FGL1: variants seen among roughly 807,000 people sequenced by gnomAD.
The protein encoded by FGL1 is fibrinogen-like protein 1.
A neutral mutation model predicts 43.7 loss-of-function variants in FGL1; 59 were observed. The observed-to-expected ratio is 1.35, with a 90% confidence interval of 1.10 to 1.68. The LOEUF (loss-of-function observed/expected upper bound fraction) is 1.68. FGL1 is among the 40% of genes most tolerant of loss of function. The probability of loss-of-function intolerance (pLI) is 0.00; values close to 1 mark genes in which losing one functional copy is unlikely to be tolerated. For synonymous variants in FGL1, 192 were observed against 126.5 expected (o/e 1.52, Z -3.48); for missense variants, 596 against 373.0 (o/e 1.60, Z -4.92).
At chr8:17,872,512 A>C (rs1454470449) in intron 5 of FGL1, among the ~76,000 whole-genome samples, 1 of 152,144 alleles carries the variant, frequency 6.6e-6, no homozygotes, top group South Asian at 2.1e-4. Context: ...CATGTTGGCC[A>C]GGCTGGTCTC....
At position 17,882,160 on chromosome 8, in the gene FGL1, T is replaced by A. The variant is rs1290541913; in HGVS notation, c.83A>T (p.Gln28Leu). Reference sequence around the variant, plus strand: ...CTGGGCTCTGAGCCGCATCTGCTCCTGGGCACAGTCCTCGAGCGCCTGCAA... The same window carrying A: ...CTGGGCTCTGAGCCGCATCTGCTCCAGGGCACAGTCCTCGAGCGCCTGCAA... ...REISALEDCA[Q>L]EQMRLRAQVR... Residue 28 changes from glutamine to leucine, a missense_variant, in exon 3 of 8, where the codon CAG becomes CTG. Coordinates refer to ENST00000427924, the MANE Select transcript of FGL1 (RefSeq NM_004467.4). 15 of 1,613,738 alleles carry A rather than the reference T, an allele frequency of 9.3e-6. No homozygotes were observed. Among genetic ancestry groups the A allele is most frequent in the African/African-American group, 1.3e-5 (1 of 74,902 alleles).
chr8:17,889,457 T>C (rs1291278451), intron 1 of FGL1, among the ~76,000 whole-genome samples: 1 of 152,054 alleles, frequency 6.6e-6, no homozygotes, highest in Non-Finnish European at 1.5e-5. Flanking sequence ...GGCTGAAGCA[T>C]GAGAATCACT....
chr8:17,888,974 A>G (rs1585151047), intron 1 of FGL1, among the ~76,000 whole-genome samples: 2 of 152,206 alleles, frequency 1.3e-5, no homozygotes, highest in Non-Finnish European at 2.9e-5. Context: ...TAAGAGAATA[A>G]TATTTTAATA....
intron 1 of FGL1, among the ~76,000 whole-genome samples, chr8:17,887,304 A>G (rs534531294): frequency 1.3e-4 from 20 of 152,288 alleles, no homozygotes; most frequent in South Asian, 4.1e-4. Flanking sequence ...ATCGCTCTCC[A>G]AAGAATCCCA....
chr8:17,876,660 C>G (rs116938374), intron 3 of FGL1, among the ~76,000 whole-genome samples: 3,175 of 152,212 alleles, frequency 0.021, 59 homozygotes, highest in South Asian at 0.049. Context: ...TTAAAGTAAG[C>G]AGATTTTAGC....
rs185943584 is a variant in FGL1, at chr8:17,869,586, C to G, written c.503-582G>C. Among the ~76,000 whole-genome samples, 554 of 152,230 alleles carry G rather than the reference C, an allele frequency of 3.6e-3. 8 individuals are homozygous for G. The highest frequency in any genetic ancestry group is 0.028 in the Admixed American group (421 of 15,280). On this transcript the variant is annotated intron_variant, in intron 5 of 7. Transcript: ENST00000427924. ...ATCCTAATTGTTATCCGAAAACCTTCGTTTGATACTGGCTCATAAGATCAA... is the reference window on the plus strand; with the variant it reads ...ATCCTAATTGTTATCCGAAAACCTTGGTTTGATACTGGCTCATAAGATCAA...
At chr8:17,890,920 T>C (rs2053695389) in intron 1 of FGL1, among the ~76,000 whole-genome samples, 4 of 152,066 alleles carry the variant, frequency 2.6e-5, no homozygotes, top group Admixed American at 2.0e-4. Context: ...TCCCATAACA[T>C]GTGGGATTAC....
intron 3 of FGL1, 147 bp from the exon 4 acceptor site, chr8:17,874,668 A>C (rs1049205692): frequency 5.1e-5 from 24 of 473,780 alleles, no homozygotes; most frequent in Non-Finnish European, 2.4e-5. Flanking sequence ...CATCTTGTAC[A>C]TCTTCCAGTG....
chr8:17,891,611 G>A, intron 1 of FGL1: 1 of 856,090 alleles, frequency 1.2e-6, no homozygotes, highest in Non-Finnish European at 1.4e-6. Flanking sequence ...ATGTTTTGGG[G>A]GCACAGCTGA....
chr8:17,884,821 T>G (rs1047089927), intron 2 of FGL1, among the ~76,000 whole-genome samples: 2 of 152,198 alleles, frequency 1.3e-5, no homozygotes, highest in African/African-American at 4.8e-5. Context: ...TTTGAATGAA[T>G]GTTTTGTCTT....
intron 1 of FGL1, chr8:17,891,954 T>A (rs1405140965): frequency 2.0e-5 from 4 of 196,138 alleles, no homozygotes; most frequent in Admixed American, 2.0e-4. Context: ...CAAAAGAAAA[T>A]ATATACCTGA....
chr8:17,890,599 C>G (rs2053690061), intron 1 of FGL1, among the ~76,000 whole-genome samples: 1 of 152,156 alleles, frequency 6.6e-6, no homozygotes, highest in South Asian at 2.1e-4. Context: ...AAAATAACAG[C>G]TGTCCCCTAC....
At chr8:17,872,020 T>G (rs2053369919) in intron 5 of FGL1, among the ~76,000 whole-genome samples, 4 of 152,122 alleles carry the variant, frequency 2.6e-5, no homozygotes, top group Admixed American at 2.6e-4. Context: ...GAAACAGAAG[T>G]TGGTATGGCA....
intron 5 of FGL1, among the ~76,000 whole-genome samples, chr8:17,873,534 T>G (rs751881050): frequency 6.6e-6 from 1 of 152,190 alleles, no homozygotes; most frequent in Non-Finnish European, 1.5e-5. Flanking sequence ...CCACTAAGCT[T>G]TGGAAGAGGA....
chr8:17,868,761 T>C, intron 6 of FGL1, 26 bp from the exon 7 acceptor site: 2 of 1,590,338 alleles, frequency 1.3e-6, no homozygotes, highest in Non-Finnish European at 1.7e-6. Flanking sequence ...ATTTCTGCTG[T>C]CAGTGGAGTT....
chr8:17,894,794 G>C (rs929613997), intron 1 of FGL1, among the ~76,000 whole-genome samples: 1 of 146,388 alleles, frequency 6.8e-6, no homozygotes, highest in African/African-American at 2.7e-5. Context: ...AGTATGTTTT[G>C]AAAATGCTCT....
At chr8:17,875,547 T>TCTCTCTCTC (rs1563452433) in intron 3 of FGL1, among the ~76,000 whole-genome samples, 4 of 16,244 alleles carry the variant, frequency 2.5e-4, no homozygotes, top group African/African-American at 6.5e-4. Context: ...CTTTCTTTCT[T>TCTCTCTCTC]TCTTTCTTTC....
Position 17,874,528 on chromosome 8 carries a change from T to C in FGL1, c.245-7A>G. On this transcript the variant is annotated splice_region_variant and splice_polypyrimidine_tract_variant and intron_variant, in intron 3 of 7. Transcript: ENST00000427924. ...TTGAAAATCTCTGAACAATCTGTTTTTAAAACAAGGTAATGTAACATTCAT... is the reference window on the plus strand; with the variant it reads ...TTGAAAATCTCTGAACAATCTGTTTCTAAAACAAGGTAATGTAACATTCAT... 1 of 1,601,654 alleles carries C rather than the reference T, an allele frequency of 6.2e-7. No homozygotes were observed. Among genetic ancestry groups the C allele is most frequent in the Non-Finnish European group, 8.5e-7 (1 of 1,173,068 alleles).
intron 5 of FGL1, among the ~76,000 whole-genome samples, chr8:17,872,597 C>G (rs966576204): frequency 6.6e-6 from 1 of 152,072 alleles, no homozygotes; most frequent in Non-Finnish European, 1.5e-5. Context: ...GCCACCATGC[C>G]CAGCTGTTTA....
Sources: gnomAD v4.1 joint callset for allele counts (sites outside exome capture counted in the v4.1 genomes callset) on GRCh38, gnomAD v4.1.1 for gene constraint, MANE v1.5 for transcripts, NCBI Gene and HGNC (gene_info 2026-07-23, HGNC 2026-07-21) for gene names.